ITGA9: variants seen among roughly 807,000 people sequenced by gnomAD.
ITGA9 encodes the protein integrin subunit alpha 9.
ITGA9 carries 56 observed loss-of-function variants against 127.8 expected under a neutral mutation model. The observed-to-expected ratio is 0.44, with a 90% CI of 0.35 to 0.55. The LOEUF (loss-of-function observed/expected upper bound fraction) is 0.55, where lower values mean the gene tolerates loss of function less well. Among genes scored for constraint, ITGA9 ranks in the 20% least tolerant of loss-of-function variants. The pLI, the probability that ITGA9 is intolerant of heterozygous loss-of-function variation, is 0.00. For synonymous variants in ITGA9, 508 were observed against 514.5 expected (o/e 0.99, Z 0.17); for missense variants, 1,196 against 1,347.1 (o/e 0.89, Z 1.76).
intron 18 of ITGA9, among the ~76,000 whole-genome samples, chr3:37,720,028 T>A (rs1229795827): frequency 6.6e-6 from 1 of 152,200 alleles, no homozygotes; most frequent in Non-Finnish European, 1.5e-5. Context: ...CTCAGTGACA[T>A]GGAGCAGTGC....
At chr3:37,816,132 G>A (rs909537372) in intron 27 of ITGA9, among the ~76,000 whole-genome samples, 5 of 152,184 alleles carry the variant, frequency 3.3e-5, no homozygotes, top group Non-Finnish European at 5.9e-5. Context: ...GAGCTGGAGA[G>A]TCACATGGTA....
chr3:37,684,163 G>A (rs1700759749), intron 18 of ITGA9, 148 bp downstream of exon 18: 1 of 812,900 alleles, frequency 1.2e-6, no homozygotes, highest in African/African-American at 1.7e-5. Flanking sequence ...TTTTCTTCCT[G>A]GGCTTAGAAA....
chr3:37,737,061 T>TTGA, intron 20 of ITGA9, 78 bp downstream of exon 20: 1 of 946,572 alleles, frequency 1.1e-6, no homozygotes, highest in Non-Finnish European at 1.7e-6. Flanking sequence ...TGGTTAAGCT[T>TTGA]TGATGAATCC....
intron 15 of ITGA9, among the ~76,000 whole-genome samples, chr3:37,573,703 A>G (rs1699624466): frequency 1.3e-5 from 2 of 152,210 alleles, no homozygotes; most frequent in Admixed American, 1.3e-4. Context: ...TGATCTGGCA[A>G]TAGCTTCAAG....
intron 16 of ITGA9, among the ~76,000 whole-genome samples, chr3:37,635,308 G>A (rs1055732800): frequency 6.6e-6 from 1 of 152,070 alleles, no homozygotes; most frequent in Admixed American, 6.5e-5. Context: ...GCCAAAATCA[G>A]AGCTATGGTG....
chr3:37,541,201 A>G (rs1183216333), intron 14 of ITGA9, among the ~76,000 whole-genome samples: 1 of 152,180 alleles, frequency 6.6e-6, no homozygotes, highest in Non-Finnish European at 1.5e-5. Context: ...TACTGATGCA[A>G]AGCCCCCAGA....
chr3:37,717,920 C>T (rs887219901), intron 18 of ITGA9, among the ~76,000 whole-genome samples: 9 of 152,154 alleles, frequency 5.9e-5, no homozygotes, highest in South Asian at 2.1e-4. Context: ...CTGTAAAATA[C>T]GACCTGTGGG....
intron 16 of ITGA9, among the ~76,000 whole-genome samples, chr3:37,647,535 A>G (rs1700389713): frequency 6.6e-6 from 1 of 151,646 alleles, no homozygotes; most frequent in Admixed American, 6.6e-5. Flanking sequence ...TATTGTCAAC[A>G]TAGTCATCAC....
At chr3:37,777,359 T>G (rs1696920883) in intron 23 of ITGA9, 33 bp from the exon 24 acceptor site, 3 of 1,613,570 alleles carry the variant, frequency 1.9e-6, no homozygotes, top group African/African-American at 1.3e-5. Flanking sequence ...TTCTTGAGAA[T>G]GACTCCTCTG....
intron 15 of ITGA9, among the ~76,000 whole-genome samples, chr3:37,557,877 T>G (rs1241616030): frequency 6.6e-6 from 1 of 152,210 alleles, no homozygotes; most frequent in Non-Finnish European, 1.5e-5. Context: ...TTATTTAAGA[T>G]CTCACAGCTG....
intron 22 of ITGA9, chr3:37,748,262 G>C (rs1391591820): frequency 4.0e-6 from 2 of 499,410 alleles, no homozygotes; most frequent in African/African-American, 3.9e-5. Flanking sequence ...GTTCAAAAAG[G>C]AAGGCCCCGC....
chr3:37,714,473 C>A (rs1701112712), intron 18 of ITGA9, among the ~76,000 whole-genome samples: 1 of 152,218 alleles, frequency 6.6e-6, no homozygotes, highest in African/African-American at 2.4e-5. Context: ...CTGCAGACTT[C>A]TCAGCATCCC....
intron 15 of ITGA9, among the ~76,000 whole-genome samples, chr3:37,618,405 G>A (rs966204827): frequency 1.3e-5 from 2 of 152,198 alleles, no homozygotes; most frequent in Non-Finnish European, 2.9e-5. Flanking sequence ...GCTACTCGGG[G>A]GCCAGGGACC....
intron 22 of ITGA9, among the ~76,000 whole-genome samples, chr3:37,746,382 C>T (rs1219166683): frequency 1.3e-5 from 2 of 152,176 alleles, no homozygotes. Context: ...TAAACAGACA[C>T]ATTAATTTCT....
intron 16 of ITGA9, among the ~76,000 whole-genome samples, chr3:37,638,344 A>G (rs973478826): frequency 3.3e-5 from 5 of 152,024 alleles, no homozygotes; most frequent in Admixed American, 2.6e-4. Flanking sequence ...TTTGGTTGAA[A>G]TTAAAATAAA....
At chr3:37,566,610 G>C (rs1430351439) in intron 15 of ITGA9, among the ~76,000 whole-genome samples, 1 of 152,228 alleles carries the variant, frequency 6.6e-6, no homozygotes, top group East Asian at 1.9e-4. Flanking sequence ...TGGGATAAGT[G>C]CTGGGGCTCC....
chr3:37,766,124 C>T (rs2125544953), intron 23 of ITGA9, among the ~76,000 whole-genome samples: 1 of 152,402 alleles, frequency 6.6e-6, no homozygotes, highest in South Asian at 2.1e-4. Context: ...AAACAGGGCT[C>T]ATCGGCCATT....
At chr3:37,800,170 A>G (rs1697221151) in intron 26 of ITGA9, among the ~76,000 whole-genome samples, 1 of 152,226 alleles carries the variant, frequency 6.6e-6, no homozygotes, top group Non-Finnish European at 1.5e-5. Context: ...CTCTGTGTCC[A>G]CAAAACCAGA....
intron 11 of ITGA9, among the ~76,000 whole-genome samples, chr3:37,519,777 C>T (rs1379376876): frequency 1.3e-5 from 2 of 152,236 alleles, no homozygotes; most frequent in Non-Finnish European, 2.9e-5. Flanking sequence ...CCCAGCTGGC[C>T]TCAAAACCAG....
Sources: allele counts gnomAD v4.1 joint callset (sites outside exome capture counted in the v4.1 genomes callset), GRCh38; gene constraint gnomAD v4.1.1; transcripts MANE v1.5; gene names NCBI Gene and HGNC (gene_info 2026-07-23, HGNC 2026-07-21).